ZC3H4: variants seen among roughly 807,000 people sequenced by gnomAD.
ZC3H4 encodes zinc finger CCCH-type containing 4, also known as zinc finger CCCH domain-containing protein 4.
In ZC3H4, 13 loss-of-function variants were observed where a neutral mutation model predicts 108.3. The ratio of observed to expected loss-of-function variants is 0.12; its 90% CI spans 0.08 to 0.19. ZC3H4 has a LOEUF of 0.19. ZC3H4 is among the 10% of genes least tolerant of loss of function. The probability of loss-of-function intolerance (pLI) is 1.00; values close to 1 mark genes in which losing one functional copy is unlikely to be tolerated. For missense variants in ZC3H4, 1,734 were observed against 1,838.8 expected (o/e 0.94, Z 1.04); for synonymous variants, 917 against 749.6 (o/e 1.22, Z -3.65).
At chr19:47,087,686 T>G (rs1348675935) in intron 5 of ZC3H4, among the ~76,000 whole-genome samples, 1 of 151,500 alleles carries the variant, frequency 6.6e-6, no homozygotes, top group Non-Finnish European at 1.5e-5. Context: ...CAAGACCAGA[T>G]TGGGCAACAC....
intron 1 of ZC3H4, 66 bp from the exon 2 acceptor site, chr19:47,112,655 T>G: frequency 3.6e-6 from 4 of 1,122,300 alleles, no homozygotes; most frequent in Non-Finnish European, 4.5e-6. Context: ...AGGGGCACAC[T>G]TAAGCTCGGA....
chr19:47,101,393 CA>C (rs1053821114), intron 2 of ZC3H4, among the ~76,000 whole-genome samples: 3 of 151,760 alleles, frequency 2.0e-5, no homozygotes, highest in Admixed American at 6.6e-5. Flanking sequence ...CCCGTCTCCA[CA>C]AATAATTTAA....
intron 11 of ZC3H4, among the ~76,000 whole-genome samples, chr19:47,081,209 C>T (rs748246777): frequency 6.6e-6 from 1 of 152,212 alleles, no homozygotes; most frequent in Non-Finnish European, 1.5e-5. Context: ...ATTGTGAGCT[C>T]TCTCTAAATG....
intron 13 of ZC3H4, among the ~76,000 whole-genome samples, chr19:47,071,065 CTT>C (rs994465431): frequency 6.6e-6 from 1 of 152,244 alleles, no homozygotes; most frequent in African/African-American, 2.4e-5. Flanking sequence ...CTCAAAGAGA[CTT>C]TTGTGACTAT....
chr19:47,112,846 C>G (rs936963090), intron 1 of ZC3H4, among the ~76,000 whole-genome samples: 1 of 152,096 alleles, frequency 6.6e-6, no homozygotes, highest in Admixed American at 6.5e-5. Context: ...AGAGCCCCCC[C>G]CCCACGCACC....
At position 47,072,219 on chromosome 19, in the gene ZC3H4, G is replaced by A; in HGVS notation, c.1803-98C>T. ...GAGGGCTGCAGAGCCGAAGGTCATGGGCCCCAGACCAGGACTCCCACAGCT... is the reference window on the plus strand; with the variant it reads ...GAGGGCTGCAGAGCCGAAGGTCATGAGCCCCAGACCAGGACTCCCACAGCT... On this transcript the variant is annotated intron_variant, in intron 12 of 14. Transcript: ENST00000253048. This position sits in a 1 kb window ranked among gnomAD's most constrained non-coding sequence, Gnocchi z 5.6. 7.1e-7 allele frequency: 1 copy of A among 1,403,976 alleles called. No homozygotes were observed. Among genetic ancestry groups the A allele is most frequent in the South Asian group, 1.4e-5 (1 of 70,532 alleles). 87.0% of individuals were successfully genotyped at this position (1,403,976 alleles called of 1,614,324 possible).
intron 14 of ZC3H4, among the ~76,000 whole-genome samples, chr19:47,068,774 G>A (rs927150728): frequency 7.9e-5 from 12 of 152,214 alleles, no homozygotes; most frequent in Non-Finnish European, 1.5e-4. Flanking sequence ...CAGGGGCTGT[G>A]AGGGTCTCCC....
At position 47,112,437 on chromosome 19, in the gene ZC3H4, G is replaced by T; in HGVS notation, c.148C>A (p.Leu50Ile). The T allele has an allele frequency of 8.1e-7, 1 of 1,236,430 alleles. No homozygotes were observed. 76.6% of individuals were successfully genotyped at this position (1,236,430 alleles called of 1,614,324 possible). A position where few individuals can be genotyped will look rare whatever the true frequency, so the allele number is the denominator to read the frequency against. ...TPHLLHHRLP[L>I]PDDREDGELE... Reference sequence around the variant, plus strand: ...CGGGGGCCTGACCTGTCGTCAGGGAGCGGGAGGCGGTGGTGGAGGAGGTGC... The same window carrying T: ...CGGGGGCCTGACCTGTCGTCAGGGATCGGGAGGCGGTGGTGGAGGAGGTGC... The change falls in exon 2 of 15, where the codon CTC becomes ATC. Residue 50 changes from leucine to isoleucine, a missense_variant. Transcript: ENST00000253048.
intron 2 of ZC3H4, among the ~76,000 whole-genome samples, chr19:47,106,823 G>C (rs2057974114): frequency 6.6e-6 from 1 of 152,198 alleles, no homozygotes; most frequent in African/African-American, 2.4e-5. Context: ...GTTACTGAAT[G>C]AACAAAACCT....
In ZC3H4 at chr19:47,112,014, C is replaced by G. The variant is rs1038915877; in HGVS notation, c.161+410G>C. 4.5e-5 allele frequency: 27 copies of G among 606,314 alleles called. No homozygotes were observed. In the African/African-American group the frequency reaches 4.8e-4, roughly 11 times the overall value. 37.6% of individuals were successfully genotyped at this position (606,314 alleles called of 1,614,324 possible). On this transcript the variant is annotated intron_variant, in intron 2 of 14. Coordinates refer to ENST00000253048, the MANE Select transcript of ZC3H4 (RefSeq NM_015168.2). ...CCCTTCCCCGAAGCCAGGCGACGGG[C>G]AAGCGGGCCCGTAGCTGCCAGCTCC...
At chr19:47,084,027 C>T (rs1177802390) in intron 9 of ZC3H4, among the ~76,000 whole-genome samples, 5 of 152,098 alleles carry the variant, frequency 3.3e-5, no homozygotes. Flanking sequence ...ATAACTTCAC[C>T]AGGATATGCT....
chr19:47,104,060 T>C (rs1054889739), intron 2 of ZC3H4, among the ~76,000 whole-genome samples: 1 of 152,188 alleles, frequency 6.6e-6, no homozygotes, highest in African/African-American at 2.4e-5. Flanking sequence ...GGCTCACGCC[T>C]GTAATCCCAG....
At chr19:47,082,380 C>G (rs1300591909) in intron 9 of ZC3H4, 85 bp from the exon 10 acceptor site, 3 of 1,023,040 alleles carry the variant, frequency 2.9e-6, no homozygotes, top group Non-Finnish European at 4.6e-6. Context: ...AATACTGTCA[C>G]TGCTGGTGCA....
At chr19:47,079,260 C>T (rs989633461) in intron 11 of ZC3H4, among the ~76,000 whole-genome samples, 1 of 151,492 alleles carries the variant, frequency 6.6e-6, no homozygotes, top group Non-Finnish European at 1.5e-5. Flanking sequence ...AATTCCCAAC[C>T]TCAGGTGATC....
At chr19:47,071,262 G>C (rs2057320314) in intron 13 of ZC3H4, among the ~76,000 whole-genome samples, 2 of 152,140 alleles carry the variant, frequency 1.3e-5, no homozygotes, top group African/African-American at 4.8e-5. Context: ...CCAGAGGGCT[G>C]CACACCACAT....
chr19:47,066,929 G>A lies in ZC3H4; in HGVS notation c.3339C>T (p.Ala1113=), dbSNP rs781187839. 12 of 1,596,378 alleles carry A rather than the reference G, an allele frequency of 7.5e-6. No individual in the cohort carries two copies. The highest frequency in any genetic ancestry group is 1.0e-5 in the Non-Finnish European group (12 of 1,174,688). The change falls in exon 15 of 15, where the codon GCC becomes GCT. Residue 1113 remains alanine (A), a synonymous_variant. Transcript: ENST00000253048. ...PSPTASPSGD[A]SPPATAPYDP... ...CGTAGGGAGCGGTGGCTGGTGGGGAGGCATCCCCACTCGGGCTGGCGGTGG... is the reference window on the plus strand; with the variant it reads ...CGTAGGGAGCGGTGGCTGGTGGGGAAGCATCCCCACTCGGGCTGGCGGTGG...
chr19:47,074,596 A>G (rs544369983), intron 11 of ZC3H4, among the ~76,000 whole-genome samples: 1 of 152,238 alleles, frequency 6.6e-6, no homozygotes, highest in Non-Finnish European at 1.5e-5. Context: ...TTCACTGTCC[A>G]GTAAGAGGGG....
In ZC3H4 at chr19:47,066,245, G is replaced by GAA. The variant is rs1461287356; in HGVS notation, c.*109_*110dup. On this transcript the variant is annotated 3_prime_UTR_variant, in exon 15 of 15. Transcript: ENST00000253048. Reference sequence around the variant, plus strand: ...GACGGAAAGCAAAAGAAAAAGAAAAGAAAAAAGGAACACCCAGCCTGCCTC... The same window carrying GAA: ...GACGGAAAGCAAAAGAAAAAGAAAAGAAAAAAAAGGAACACCCAGCCTGCCTC... The GAA allele has an allele frequency of 6.2e-6, 5 of 810,710 alleles. No homozygotes were observed. The highest frequency in any genetic ancestry group is 5.5e-5 in the South Asian group (2 of 36,306). The allele number at this position is 810,710 out of a possible 1,614,324, so 50.2% of individuals were successfully genotyped here.
chr19:47,081,497 T>G lies in ZC3H4; in HGVS notation c.1440+16A>C. 1 of 1,611,604 alleles carries G rather than the reference T, an allele frequency of 6.2e-7. No individual in the cohort carries two copies. Among genetic ancestry groups the G allele is most frequent in the Non-Finnish European group, 8.5e-7 (1 of 1,177,842 alleles). Reference sequence around the variant, plus strand: ...CAGTTCCTGTAGCCGGGGGCCCCGTTACCCCCGGACATTACCTTATCCAAG... The same window carrying G: ...CAGTTCCTGTAGCCGGGGGCCCCGTGACCCCCGGACATTACCTTATCCAAG... On this transcript the variant is annotated intron_variant, in intron 11 of 14. Coordinates refer to ENST00000253048, the MANE Select transcript of ZC3H4 (RefSeq NM_015168.2).
Sources: allele counts gnomAD v4.1 joint callset (sites outside exome capture counted in the v4.1 genomes callset), GRCh38; gene constraint gnomAD v4.1.1; non-coding constraint Gnocchi (gnomAD v3.1); transcripts MANE v1.5; gene names NCBI Gene and HGNC (gene_info 2026-07-23, HGNC 2026-07-21).